The following MYO1G variants were observed in gnomAD, a reference collection of about 807,000 sequenced individuals.
The protein encoded by MYO1G is myosin IG, also known as unconventional myosin-Ig.
Under a neutral mutation model 115.3 loss-of-function variants are expected in MYO1G, and 65 were observed. That is an observed-to-expected ratio of 0.56 (90% CI 0.46 to 0.69). The LOEUF (loss-of-function observed/expected upper bound fraction) is 0.69, where lower values mean the gene tolerates loss of function less well. Ranked by LOEUF, MYO1G falls within the 30% of genes least tolerant of loss-of-function variation. The pLI is 0.00. For missense variants in MYO1G, 1,204 were observed against 1,393.5 expected (o/e 0.86, Z 2.16); for synonymous variants, 510 against 552.6 (o/e 0.92, Z 1.08).
chr7:44,972,207 C>T lies in MYO1G; in HGVS notation c.637G>A (p.Asp213Asn). The T allele has an allele frequency of 6.2e-7, 1 of 1,613,968 alleles. No homozygotes were observed. The highest frequency in any genetic ancestry group is 1.3e-5 in the African/African-American group (1 of 75,060). The change falls in exon 6 of 22, where the codon GAC (aspartate) becomes AAC (asparagine). Residue 213 changes from aspartate to asparagine, a missense_variant. Coordinates refer to ENST00000258787, the MANE Select transcript of MYO1G (RefSeq NM_033054.3). ...AFYQLLRGSE[D>N]KQLHELHLER... ...AAGTGCAGTTCATGCAGCTGCTTGT[C>T]CTCACTGCCTCTCAGCAACTAGAGG...
chr7:44,972,553 G>A, intron 5 of MYO1G: 1 of 329,570 alleles, frequency 3.0e-6, no homozygotes, highest in South Asian at 2.7e-5. Context: ...GGGTAGCTCA[G>A]AGTATGTGGA....
chr7:44,962,993 G>A lies in MYO1G; in HGVS notation c.2877C>T (p.Gly959=), dbSNP rs985217581. ...ACCCCTGGCAGTGTGCGGCCAGCAC[G>A]CCCACCAGCTCCCCAACGCGGTTGT... ...PLDNRVGELV[G]VLAAHCQGEG... The change falls in exon 21 of 22, where the codon GGC becomes GGT. Residue 959 remains glycine, a synonymous_variant. Coordinates refer to ENST00000258787, the MANE Select transcript of MYO1G (RefSeq NM_033054.3). This position sits in a 1 kb window ranked among gnomAD's most constrained non-coding sequence, Gnocchi z 5.3. 3.9e-6 allele frequency: 6 copies of A among 1,532,566 alleles called. No homozygotes were observed. Among genetic ancestry groups the A allele is most frequent in the African/African-American group, 1.4e-5 (1 of 71,498 alleles). 94.9% of individuals were successfully genotyped at this position (1,532,566 alleles called of 1,614,324 possible).
Position 44,966,988 on chromosome 7 carries a change from A to G in MYO1G, c.1783-150T>C. The stretch of plus-strand genomic sequence containing the variant: ...AAATCAGCAGAACAAGGGCCCTGGA[A>G]GCCCTAAGTGCTGGGCAGAGGCCAG... On this transcript the variant is annotated intron_variant, in intron 14 of 21. Transcript: ENST00000258787. This position sits in a 1 kb window ranked among gnomAD's most constrained non-coding sequence, Gnocchi z 5.0. 2.2e-6 allele frequency: 2 copies of G among 915,272 alleles called. No homozygotes were observed. The highest frequency in any genetic ancestry group is 3.3e-6 in the Non-Finnish European group (2 of 612,300). The allele number at this position is 915,272 out of a possible 1,614,324, so 56.7% of individuals were successfully genotyped here.
chr7:44,971,650 C>T, intron 7 of MYO1G, 23 bp downstream of exon 7: 2 of 1,528,892 alleles, frequency 1.3e-6, no homozygotes, highest in South Asian at 2.4e-5. Context: ...AGTAGCCCTC[C>T]CAGGCTTCTG....
intron 5 of MYO1G, chr7:44,973,345 G>T (rs903730396): frequency 6.6e-6 from 1 of 151,998 alleles, no homozygotes; most frequent in African/African-American, 2.4e-5. Flanking sequence ...CAAGGAGATA[G>T]TGCCCCTGTC....
rs761937212 is a variant in MYO1G, at chr7:44,975,586, G to T, written c.462C>A (p.Asn154Lys). Residue 154 changes from asparagine (N) to lysine (K), a missense_variant, in exon 4 of 22, where the codon AAC becomes AAA. Asn to Lys is a moderately conservative substitution (Grantham distance 94). Transcript: ENST00000258787. ...VLEAFGNART[N>K]RNHNSSRFGK... The stretch of plus-strand genomic sequence containing the variant: ...CAAAGCGGCTGGAGTTGTGATTGCG[G>T]TTGGTGCGGGCATTGCCAAAGGCCT... 4 of 1,613,886 alleles carry T rather than the reference G, an allele frequency of 2.5e-6. No homozygotes were observed. The highest frequency in any genetic ancestry group is 2.7e-5 in the African/African-American group (2 of 74,940).
chr7:44,975,263 A>G, intron 4 of MYO1G, 36 bp from the exon 5 acceptor site: 1 of 1,612,128 alleles, frequency 6.2e-7, no homozygotes, highest in South Asian at 1.1e-5. Flanking sequence ...CAGGCCTGGG[A>G]AGGAGTCTGA....
In MYO1G at chr7:44,963,121, T is replaced by G. The variant is rs764970920; in HGVS notation, c.2749A>C (p.Thr917Pro). ...CCTCCGCTGGTCACGCTCAGCCCCG[T>G]CACCTGAGCGGAGCGCGGGGTCAGA... ...VMRAVPLEAVTGLSVTSGGDQ... is the reference protein window; with the variant it reads ...VMRAVPLEAVPGLSVTSGGDQ... Residue 917 changes from threonine to proline, a missense_variant, in exon 21 of 22, where the codon ACG becomes CCG. By Grantham distance (38) the Thr-to-Pro change is conservative. Transcript: ENST00000258787. This position sits in a 1 kb window ranked among gnomAD's most constrained non-coding sequence, Gnocchi z 4.1. 1.4e-6 allele frequency: 2 copies of G among 1,472,492 alleles called. No homozygotes were observed. The highest frequency in any genetic ancestry group is 2.6e-5 in the South Asian group (2 of 77,710). 91.2% of individuals were successfully genotyped at this position (1,472,492 alleles called of 1,614,324 possible).
rs1200498006 is a variant in MYO1G, at chr7:44,970,741, G to T, written c.1072-4C>A. On this transcript the variant is annotated splice_polypyrimidine_tract_variant and splice_region_variant and intron_variant, in intron 8 of 21. Coordinates refer to ENST00000258787, the MANE Select transcript of MYO1G (RefSeq NM_033054.3). ...CAAACAGCCGCTGGTACACTGCCTG[G>T]GGGATAGGAACACCCTGCTTCCTGC... 1 of 1,613,934 alleles carries T rather than the reference G, an allele frequency of 6.2e-7. No homozygotes were observed. The highest frequency in any genetic ancestry group is 1.1e-5 in the South Asian group (1 of 91,086).
rs1230853902 is a variant in MYO1G, at chr7:44,976,647, C to G, written c.315G>C (p.Gly105=). Residue 105 remains glycine, a synonymous_variant, in exon 3 of 22, where the codon GGG becomes GGC. Transcript: ENST00000258787. ...DTCIVISGES[G]AGKTEASKHI... ...GCTTACTGGCTTCTGTCTTCCCTGC[C>G]CCACTCTCCCCTGCCGGAAAGACCA... 9 of 1,613,956 alleles carry G rather than the reference C, an allele frequency of 5.6e-6. No individual in the cohort carries two copies. The highest frequency in any genetic ancestry group is 7.6e-6 in the Non-Finnish European group (9 of 1,180,026).
chr7:44,975,530 T>G lies in MYO1G; in HGVS notation c.518A>C (p.Lys173Thr). 1 of 1,613,938 alleles carries G rather than the reference T, an allele frequency of 6.2e-7. No individual in the cohort carries two copies. The highest frequency in any genetic ancestry group is 8.5e-7 in the Non-Finnish European group (1 of 1,179,890). Residue 173 changes from lysine to threonine, a missense_variant, in exon 4 of 22, where the codon AAG (lysine) becomes ACG (threonine). Coordinates refer to ENST00000258787, the MANE Select transcript of MYO1G (RefSeq NM_033054.3). ...GKYMDINFDF[K>T]GDPIGGHIHS... Reference sequence around the variant, plus strand: ...GATGTGTCCTCCGATCGGGTCCCCCTTGAAGTCAAAGTTGATGTCCATGTA... The same window carrying G: ...GATGTGTCCTCCGATCGGGTCCCCCGTGAAGTCAAAGTTGATGTCCATGTA...
Position 44,970,696 on chromosome 7 carries a change from GATCCT to G in MYO1G, c.1108_1112del (p.Arg370GlnfsTer14). On this transcript the variant is annotated frameshift_variant, in exon 9 of 22. Coordinates refer to ENST00000258787, the MANE Select transcript of MYO1G (RefSeq NM_033054.3). LOFTEE classifies it high-confidence loss of function. ...GGCCCCGGGGTTCCATGACACTGTT[GATCCT>G]GTTCACCACCCACTCAAACAGCCGC... 1 of 1,613,942 alleles carries G rather than the reference GATCCT, an allele frequency of 6.2e-7. No homozygotes were observed.
At position 44,962,844 on chromosome 7, in the gene MYO1G, A is replaced by G. The variant is rs1411444860; in HGVS notation, c.2952T>C (p.His984=). The G allele has an allele frequency of 5.5e-5, 83 of 1,512,024 alleles. No individual in the cohort carries two copies. The highest frequency in any genetic ancestry group is 7.1e-5 in the Non-Finnish European group (80 of 1,134,218). The allele number at this position is 1,512,024 out of a possible 1,614,324, so 93.7% of individuals were successfully genotyped here. Residue 984 remains histidine (H), a synonymous_variant, in exon 22 of 22, where the codon CAT becomes CAC. Transcript: ENST00000258787. This position sits in a 1 kb window ranked among gnomAD's most constrained non-coding sequence, Gnocchi z 5.3. ...CGGAGATGAGGCGCCGGACCCCGCGATGGCTTAGTGGGATGCAGTCGGAGA... is the reference window on the plus strand; with the variant it reads ...CGGAGATGAGGCGCCGGACCCCGCGGTGGCTTAGTGGGATGCAGTCGGAGA... ...VRVSDCIPLS[H]RGVRRLISVE...
At position 44,966,721 on chromosome 7, in the gene MYO1G, G is replaced by A. The variant is rs774564779; in HGVS notation, c.1900C>T (p.Arg634Cys). The A allele has an allele frequency of 4.3e-6, 7 of 1,613,120 alleles. No homozygotes were observed. The highest frequency in any genetic ancestry group is 2.2e-5 in the East Asian group (1 of 44,874). ...TGGCGGGAAGCGAAGCCAGCCCTGC[G>A]GACCCTCACATTCTCCAGCAGCCCC... Reference protein sequence around the residue: ...YLGLLENVRVRRAGFASRQPY... With the variant: ...YLGLLENVRVCRAGFASRQPY... Residue 634 changes from arginine to cysteine, a missense_variant, in exon 15 of 22, where the codon CGC becomes TGC. By Grantham distance (180) the Arg-to-Cys change is radical. Coordinates refer to ENST00000258787, the MANE Select transcript of MYO1G (RefSeq NM_033054.3). The surrounding 1 kb of genome is among the most constrained non-coding windows in gnomAD (Gnocchi z 5.0).
intron 12 of MYO1G, chr7:44,968,532 T>C (rs1794894060): frequency 6.6e-6 from 1 of 150,794 alleles, no homozygotes; most frequent in South Asian, 2.1e-4. Context: ...TGAGAAATAG[T>C]CTCACTCTCT....
chr7:44,968,106 C>G (rs969269702), intron 12 of MYO1G, 148 bp from the exon 13 acceptor site: 1 of 650,398 alleles, frequency 1.5e-6, no homozygotes, highest in African/African-American at 1.8e-5. Context: ...CTCCTCTCCT[C>G]CTTCCCCCTC....
At chr7:44,971,894 C>G in intron 6 of MYO1G, 105 bp from the exon 7 acceptor site, 1 of 871,444 alleles carries the variant, frequency 1.1e-6, no homozygotes, top group East Asian at 2.7e-5. Flanking sequence ...ACCCCTGTCC[C>G]CTGTCCCCTT....
chr7:44,974,834 C>A, intron 5 of MYO1G: 1 of 395,462 alleles, frequency 2.5e-6, no homozygotes, highest in Admixed American at 3.6e-5. Flanking sequence ...AGCTCTGATA[C>A]CACTAGAGAC....
rs1794811684 is a variant in MYO1G at position 44,964,843 on chromosome 7, C to T, written c.2526+102G>A. Reference sequence around the variant, plus strand: ...GGCCACCAGGACAGACAACCCCAGGCCTGGGAGAGGACATCTGAGGGGACC... The same window carrying T: ...GGCCACCAGGACAGACAACCCCAGGTCTGGGAGAGGACATCTGAGGGGACC... On this transcript the variant is annotated intron_variant, in intron 18 of 21. Coordinates refer to ENST00000258787, the MANE Select transcript of MYO1G (RefSeq NM_033054.3). This position sits in a 1 kb window ranked among gnomAD's most constrained non-coding sequence, Gnocchi z 5.1. The T allele has an allele frequency of 5.4e-6, 8 of 1,492,318 alleles. No homozygotes were observed. The highest frequency in any genetic ancestry group is 7.2e-6 in the Non-Finnish European group (8 of 1,108,126). 92.4% of individuals were successfully genotyped at this position (1,492,318 alleles called of 1,614,324 possible). A position where few individuals can be genotyped will look rare whatever the true frequency, so the allele number is the denominator to read the frequency against.
Sources: gnomAD v4.1 joint callset for allele counts on GRCh38, gnomAD v4.1.1 for gene constraint, Gnocchi (gnomAD v3.1) non-coding constraint, MANE v1.5 for transcripts, NCBI Gene and HGNC (gene_info 2026-07-23, HGNC 2026-07-21) for gene names.